TCF12: variants seen among roughly 807,000 people sequenced by gnomAD.
TCF12 encodes DNA-binding protein HTF4.
Under a neutral mutation model 86.0 loss-of-function variants are expected in TCF12, and 45 were observed. That is an observed-to-expected ratio of 0.52 (90% CI 0.41 to 0.67). The LOEUF is 0.67. TCF12 is among the 30% of genes least tolerant of loss of function. The probability of loss-of-function intolerance (pLI) is 0.00; values close to 1 mark genes in which losing one functional copy is unlikely to be tolerated. For synonymous variants in TCF12, 330 were observed against 299.6 expected, an observed-to-expected ratio of 1.10 and a Z score of -1.05; for missense variants, 881 against 859.9, an observed-to-expected ratio of 1.02 and a Z score of -0.31.
chr15:57,253,567 G>C, intron 16 of TCF12, 99 bp downstream of exon 16: 2 of 1,392,578 alleles, frequency 1.4e-6, no homozygotes, highest in Admixed American at 4.1e-5. Context: ...TGAAAGGAAG[G>C]CAAAGACTGA....
Position 57,138,819 on chromosome 15 carries a change from G to A in TCF12, c.326-27583G>A, listed in dbSNP as rs138520597. On this transcript the variant is annotated intron_variant, in intron 5 of 20. Coordinates refer to ENST00000333725, the MANE Select transcript of TCF12 (RefSeq NM_207037.2). ...ATGTAGTCATTTCTTTTTTAAGCGCGTGCTACCAATTGATGTTTTCAGTTA... is the reference window on the plus strand; with the variant it reads ...ATGTAGTCATTTCTTTTTTAAGCGCATGCTACCAATTGATGTTTTCAGTTA... Among the ~76,000 whole-genome samples, 7 of 152,200 alleles carry A rather than the reference G, an allele frequency of 4.6e-5. No homozygotes were observed. The East Asian group carries it at 7.7e-4, about 17-fold the overall frequency.
At chr15:57,134,511 C>T (rs1305637306) in intron 5 of TCF12, 2 of 152,012 alleles carry the variant, frequency 1.3e-5, no homozygotes, top group South Asian at 4.2e-4. Flanking sequence ...GTACGAAAGG[C>T]TTCTGGGAGC....
intron 3 of TCF12, among the ~76,000 whole-genome samples, chr15:57,025,369 C>T (rs551829915): frequency 2.1e-3 from 323 of 152,268 alleles, no homozygotes; most frequent in African/African-American, 7.2e-3. Flanking sequence ...CATGAGCCAC[C>T]GCCCCCAGCC....
intron 3 of TCF12, among the ~76,000 whole-genome samples, chr15:57,031,778 A>G (rs1323479954): frequency 6.6e-6 from 1 of 152,200 alleles, no homozygotes; most frequent in Non-Finnish European, 1.5e-5. Context: ...GCTGTGAGAA[A>G]GGATGAAAAG....
chr15:57,119,905 T>C (rs2051110141), intron 5 of TCF12, among the ~76,000 whole-genome samples: 1 of 152,236 alleles, frequency 6.6e-6, no homozygotes, highest in South Asian at 2.1e-4. Flanking sequence ...TCTCAGAACC[T>C]TAGCTAAATG....
At chr15:57,266,485 G>A (rs1256073851) in intron 18 of TCF12, among the ~76,000 whole-genome samples, 2 of 152,130 alleles carry the variant, frequency 1.3e-5, no homozygotes, top group Non-Finnish European at 2.9e-5. Flanking sequence ...TTGCCACAGA[G>A]ACTATATGGC....
chr15:57,155,204 AT>A (rs1182598168), intron 5 of TCF12, among the ~76,000 whole-genome samples: 3 of 151,488 alleles, frequency 2.0e-5, no homozygotes, highest in Admixed American at 6.6e-5. Context: ...TCCTTCCTTC[AT>A]TTTTTCCTTC....
intron 19 of TCF12, chr15:57,282,038 A>C: frequency 4.3e-6 from 1 of 231,520 alleles, no homozygotes; most frequent in Non-Finnish European, 8.5e-6. Flanking sequence ...CTGAACTGGT[A>C]ACATTTTAGA....
intron 4 of TCF12, among the ~76,000 whole-genome samples, chr15:57,073,488 C>T (rs1179810461): frequency 4.6e-5 from 7 of 151,870 alleles, no homozygotes; most frequent in Non-Finnish European, 8.8e-5. Flanking sequence ...TACACACTTT[C>T]ATGTTACCTG....
At chr15:57,241,099 A>AT (rs562526535) in intron 12 of TCF12, among the ~76,000 whole-genome samples, 6,582 of 145,494 alleles carry the variant, frequency 0.045, 359 homozygotes, top group Admixed American at 0.17. Context: ...AATAATATTG[A>AT]TTTTTTTTTT....
Position 56,919,883 on chromosome 15 carries a change from C to T in TCF12, c.-22-9C>T, listed in dbSNP as rs200014796. 7 of 1,613,326 alleles carry T rather than the reference C, an allele frequency of 4.3e-6. No individual in the cohort carries two copies. Among genetic ancestry groups the T allele is most frequent in the South Asian group, 1.1e-5 (1 of 91,030 alleles). Reference sequence around the variant, plus strand: ...TGGTCTCTCGCTGAGCCCGTTTCCTCTGCCCTAGGACCTGCTAGAAGTGGC... The same window carrying T: ...TGGTCTCTCGCTGAGCCCGTTTCCTTTGCCCTAGGACCTGCTAGAAGTGGC... On this transcript the variant is annotated splice_polypyrimidine_tract_variant and intron_variant, in intron 1 of 20. Transcript: ENST00000333725.
chr15:57,195,296 A>G (rs1253187932), intron 7 of TCF12, among the ~76,000 whole-genome samples: 3 of 152,240 alleles, frequency 2.0e-5, no homozygotes, highest in Non-Finnish European at 4.4e-5. Flanking sequence ...ATTTGATTGT[A>G]TAGTGGTGGG....
intron 5 of TCF12, among the ~76,000 whole-genome samples, chr15:57,104,869 T>G (rs1242294672): frequency 2.4e-4 from 32 of 133,008 alleles, no homozygotes; most frequent in African/African-American, 9.0e-4. Context: ...GTGTTTTTTT[T>G]TTTTTTTTTT....
intron 16 of TCF12, among the ~76,000 whole-genome samples, chr15:57,259,706 C>G (rs2060500176): frequency 6.6e-6 from 1 of 152,180 alleles, no homozygotes; most frequent in South Asian, 2.1e-4. Flanking sequence ...TGCTACTCCC[C>G]TAACAGCGGC....
At chr15:57,047,926 AC>A (rs2067341686) in intron 3 of TCF12, among the ~76,000 whole-genome samples, 1 of 152,200 alleles carries the variant, frequency 6.6e-6, no homozygotes, top group East Asian at 1.9e-4. Flanking sequence ...ACAAACCAGT[AC>A]CCTATGACTG....
chr15:57,075,796 T>TCTCTCTCTC (rs1567370337), intron 4 of TCF12, among the ~76,000 whole-genome samples: 3 of 26,030 alleles, frequency 1.2e-4, no homozygotes, highest in Admixed American at 5.7e-4. Context: ...CTTTCTTTCT[T>TCTCTCTCTC]TCTTTCTTTC....
intron 5 of TCF12, among the ~76,000 whole-genome samples, chr15:57,164,530 T>TG (rs2054726772): frequency 6.6e-6 from 1 of 152,058 alleles, no homozygotes; most frequent in Non-Finnish European, 1.5e-5. Flanking sequence ...AACAGCAGCA[T>TG]GGGGGTAACC....
At chr15:57,107,202 A>T (rs1240187565) in intron 5 of TCF12, among the ~76,000 whole-genome samples, 1 of 152,226 alleles carries the variant, frequency 6.6e-6, no homozygotes, top group African/African-American at 2.4e-5. Context: ...ATCATGGTAC[A>T]TTCAGAGAGT....
At chr15:57,185,736 T>C (rs2056629596) in intron 6 of TCF12, among the ~76,000 whole-genome samples, 1 of 152,000 alleles carries the variant, frequency 6.6e-6, no homozygotes, top group African/African-American at 2.4e-5. Flanking sequence ...ATTTAAAAAT[T>C]AGCCAGGTGT....
Sources: allele counts gnomAD v4.1 joint callset (sites outside exome capture counted in the v4.1 genomes callset), GRCh38; gene constraint gnomAD v4.1.1; transcripts MANE v1.5; gene names NCBI Gene and HGNC (gene_info 2026-07-23, HGNC 2026-07-21).